GRID2: variants seen among roughly 807,000 people sequenced by gnomAD.
GRID2 encodes glutamate receptor ionotropic, delta-2.
Under a neutral mutation model 114.8 loss-of-function variants are expected in GRID2, and 33 were observed. The observed-to-expected ratio is 0.29, with a 90% CI of 0.22 to 0.38. GRID2 has a LOEUF of 0.38. Among genes scored for constraint, GRID2 ranks in the 10% least tolerant of loss-of-function variants. The probability of loss-of-function intolerance (pLI) is 1.00; values close to 1 mark genes in which losing one functional copy is unlikely to be tolerated. For synonymous variants in GRID2, 505 were observed against 449.9 expected, an observed-to-expected ratio of 1.12 and a Z score of -1.55; for missense variants, 1,184 against 1,257.7, an observed-to-expected ratio of 0.94 and a Z score of 0.89.
intron 14 of GRID2, among the ~76,000 whole-genome samples, chr4:93,631,901 G>T (rs770919872): frequency 2.6e-4 from 40 of 152,004 alleles, no homozygotes; most frequent in Non-Finnish European, 4.6e-4. Context: ...TTTTAATGAT[G>T]GCCATTCTAA....
At chr4:93,228,802 C>G (rs1745791211) in intron 7 of GRID2, among the ~76,000 whole-genome samples, 2 of 151,932 alleles carry the variant, frequency 1.3e-5, no homozygotes. Context: ...GCTTTCATAC[C>G]AAGACAAAAT....
chr4:93,716,441 G>T (rs1237384146), intron 14 of GRID2, among the ~76,000 whole-genome samples: 2 of 151,986 alleles, frequency 1.3e-5, no homozygotes, highest in Non-Finnish European at 2.9e-5. Flanking sequence ...ATATAGCAGG[G>T]ACATAATTAA....
intron 1 of GRID2, among the ~76,000 whole-genome samples, chr4:92,432,816 C>G (rs28794296): frequency 6.6e-6 from 1 of 152,072 alleles, no homozygotes; most frequent in South Asian, 2.1e-4. Flanking sequence ...ACAGAAGGAG[C>G]CTTTCCCCAT....
chr4:92,536,049 T>A (rs772498471), intron 1 of GRID2, among the ~76,000 whole-genome samples: 7 of 152,154 alleles, frequency 4.6e-5, no homozygotes, highest in African/African-American at 7.2e-5. Flanking sequence ...AGCATTAGGA[T>A]ACATTGCAAA....
intron 3 of GRID2, among the ~76,000 whole-genome samples, chr4:93,089,330 A>C (rs1453996960): frequency 6.6e-6 from 1 of 152,200 alleles, no homozygotes; most frequent in Non-Finnish European, 1.5e-5. Context: ...AAAATACTAT[A>C]TGTCAATTAG....
intron 2 of GRID2, among the ~76,000 whole-genome samples, chr4:93,026,836 T>C (rs1723926300): frequency 6.6e-6 from 1 of 151,962 alleles, no homozygotes; most frequent in Non-Finnish European, 1.5e-5. Context: ...AATTTAATAC[T>C]TACACAGCAT....
intron 13 of GRID2, among the ~76,000 whole-genome samples, chr4:93,614,593 C>T (rs1645641735): frequency 6.6e-6 from 1 of 151,804 alleles, no homozygotes; most frequent in Non-Finnish European, 1.5e-5. Context: ...TTACAAAATG[C>T]TATATAAACA....
chr4:93,066,049 G>A (rs1222263315), intron 2 of GRID2, among the ~76,000 whole-genome samples: 4 of 151,900 alleles, frequency 2.6e-5, no homozygotes, highest in Non-Finnish European at 2.9e-5. Flanking sequence ...GAAACTCAGG[G>A]AGGTTAAGTA....
chr4:92,770,214 A>T (rs1424588214), intron 2 of GRID2, among the ~76,000 whole-genome samples: 1 of 152,216 alleles, frequency 6.6e-6, no homozygotes, highest in Non-Finnish European at 1.5e-5. Context: ...TTGCTAAAAC[A>T]TAAAGAGAAT....
At chr4:93,393,042 T>G (rs1242621810) in intron 8 of GRID2, among the ~76,000 whole-genome samples, 2 of 151,974 alleles carry the variant, frequency 1.3e-5, no homozygotes, top group African/African-American at 4.8e-5. Context: ...ATATAGGAAA[T>G]AAGTATTATT....
intron 7 of GRID2, among the ~76,000 whole-genome samples, chr4:93,226,767 C>A (rs911811338): frequency 6.6e-6 from 1 of 152,138 alleles, no homozygotes; most frequent in African/African-American, 2.4e-5. Flanking sequence ...GGTGGTTTGA[C>A]CCTGGAGACA....
At chr4:92,978,700 C>T (rs1754013817) in intron 2 of GRID2, among the ~76,000 whole-genome samples, 1 of 152,064 alleles carries the variant, frequency 6.6e-6, no homozygotes, top group Non-Finnish European at 1.5e-5. Flanking sequence ...CATGATTTCA[C>T]TAGTAAAATA....
intron 1 of GRID2, among the ~76,000 whole-genome samples, chr4:92,361,836 G>A (rs1266857530): frequency 6.6e-6 from 1 of 151,890 alleles, no homozygotes; most frequent in Non-Finnish European, 1.5e-5. Context: ...ACAGTAATGT[G>A]GTATACTGAG....
intron 5 of GRID2, among the ~76,000 whole-genome samples, chr4:93,211,243 T>C (rs1013030395): frequency 1.3e-5 from 2 of 152,104 alleles, no homozygotes; most frequent in Non-Finnish European, 2.9e-5. Context: ...ATTTGTACTT[T>C]GGAAGAAATG....
chr4:93,085,224 A>G lies in GRID2; in HGVS notation c.474A>G (p.Arg158=). Residue 158 remains arginine (R), a synonymous_variant, in exon 3 of 16, where the codon AGA becomes AGG. Coordinates refer to ENST00000282020, the MANE Select transcript of GRID2 (RefSeq NM_001510.4). ...TCTACTTGCATGATGTTATCCTAAG[A>G]GTGGTCACAGAGTATGCCTGGCAGA... The part of the protein sequence containing the change: ...PPVYLHDVIL[R]VVTEYAWQKF... The G allele has an allele frequency of 1.2e-6, 2 of 1,613,536 alleles. No individual in the cohort carries two copies. The highest frequency in any genetic ancestry group is 1.1e-5 in the South Asian group (1 of 91,072).
At position 92,612,832 on chromosome 4, in the gene GRID2, G is replaced by A. The variant is rs73837320; in HGVS notation, c.244+22546G>A. Among the ~76,000 whole-genome samples the A allele has an allele frequency of 5.1e-3, 770 of 151,488 alleles. 3 individuals are homozygous for A. The highest frequency in any genetic ancestry group is 0.018 in the African/African-American group (736 of 41,430). On this transcript the variant is annotated intron_variant, in intron 2 of 15. Transcript: ENST00000282020. ...TGTTTGTTAAAGTTTTTGTGGATCTGTCAGGATTTTCTGCAAGTAGGATCA... is the reference window on the plus strand; with the variant it reads ...TGTTTGTTAAAGTTTTTGTGGATCTATCAGGATTTTCTGCAAGTAGGATCA...
Position 92,635,932 on chromosome 4 carries a change from C to T in GRID2, c.244+45646C>T, listed in dbSNP as rs1731044487. 1.3e-5 allele frequency among the ~76,000 whole-genome samples: 2 copies of T among 151,800 alleles called. 1 individual carries two copies. The highest frequency in any genetic ancestry group is 1.3e-4 in the Admixed American group (2 of 15,178). Reference sequence around the variant, plus strand: ...ATCATAGTAGAGTAAGTGATGAGCACCTTCTGTTTTCTGAAAAAAATGGGT... The same window carrying T: ...ATCATAGTAGAGTAAGTGATGAGCATCTTCTGTTTTCTGAAAAAAATGGGT... On this transcript the variant is annotated intron_variant, in intron 2 of 15. Transcript: ENST00000282020.
At chr4:92,403,423 C>G (rs1329586201) in intron 1 of GRID2, among the ~76,000 whole-genome samples, 3 of 151,954 alleles carry the variant, frequency 2.0e-5, no homozygotes, top group Non-Finnish European at 4.4e-5. Context: ...CATGGCCAGG[C>G]ATGGTGGCTC....
At chr4:92,573,983 G>A (rs1029499388) in intron 1 of GRID2, among the ~76,000 whole-genome samples, 1 of 152,128 alleles carries the variant, frequency 6.6e-6, no homozygotes. Context: ...ATGAGTCTGG[G>A]TGCTCCTGTA....
Sources: allele counts gnomAD v4.1 joint callset (sites outside exome capture counted in the v4.1 genomes callset), GRCh38; gene constraint gnomAD v4.1.1; transcripts MANE v1.5; gene names NCBI Gene and HGNC (gene_info 2026-07-23, HGNC 2026-07-21).